Variants in DNAI2 observed in about 807,000 individuals in gnomAD.
DNAI2 encodes the protein dynein axonemal intermediate chain 2, also known as dynein, axonemal, intermediate polypeptide 2.
DNAI2 carries 63 observed loss-of-function variants against 74.7 expected under a neutral mutation model. The observed-to-expected ratio is 0.84, with a 90% CI of 0.69 to 1.04. The LOEUF (loss-of-function observed/expected upper bound fraction) is 1.04, where lower values mean the gene tolerates loss of function less well. DNAI2 is among the 50% of genes least tolerant of loss of function. The pLI is 0.00. For missense variants in DNAI2, 688 were observed against 803.2 expected (o/e 0.86, Z 1.73); for synonymous variants, 289 against 314.9 (o/e 0.92, Z 0.87).
At chr17:74,307,840 C>T (rs1194895383) in intron 9 of DNAI2, among the ~76,000 whole-genome samples, 1 of 152,016 alleles carries the variant, frequency 6.6e-6, no homozygotes. Flanking sequence ...CTTTGTTGCC[C>T]AGGCTGGAGT....
chr17:74,301,460 C>G (rs2052758981), intron 8 of DNAI2, among the ~76,000 whole-genome samples: 2 of 152,142 alleles, frequency 1.3e-5, no homozygotes, highest in Admixed American at 1.3e-4. Context: ...CCAGAAAAGC[C>G]CTGTTTTGTG....
At chr17:74,286,950 G>A (rs375483840) in intron 3 of DNAI2, 27 bp from the exon 4 acceptor site, 29 of 1,613,382 alleles carry the variant, frequency 1.8e-5, no homozygotes, top group South Asian at 5.5e-5. Context: ...CATTTACTGC[G>A]GAGAACTTCC....
chr17:74,305,750 C>T (rs1209679746), intron 9 of DNAI2, among the ~76,000 whole-genome samples: 1 of 147,744 alleles, frequency 6.8e-6, no homozygotes, highest in Non-Finnish European at 1.5e-5. Flanking sequence ...CGGCTCACTG[C>T]AGCCTCCACC....
At chr17:74,295,211 A>G (rs377590277) in intron 6 of DNAI2, among the ~76,000 whole-genome samples, 84 of 136,480 alleles carry the variant, frequency 6.2e-4, no homozygotes, top group Middle Eastern at 8.1e-3. Flanking sequence ...CATGGGCAAC[A>G]TGGTCAAACC....
chr17:74,277,349 C>T (rs2051141688), intron 1 of DNAI2, among the ~76,000 whole-genome samples: 1 of 146,526 alleles, frequency 6.8e-6, no homozygotes, highest in South Asian at 2.1e-4. Flanking sequence ...CTTGCCACTG[C>T]ACTCCAGCCT....
chr17:74,275,619 C>T lies in DNAI2; in HGVS notation c.-12+1274C>T, dbSNP rs143056843. On this transcript the variant is annotated intron_variant, in intron 1 of 13. Coordinates refer to ENST00000311014, the MANE Select transcript of DNAI2 (RefSeq NM_023036.6). ...GCTCACGCCTGTAGTCCCAGCTACT[C>T]GGCAGGTGGAGGCAGAAGAATTGCT... is the stretch of plus-strand genomic sequence containing the variant. 2.5e-3 allele frequency among the ~76,000 whole-genome samples: 386 copies of T among 151,984 alleles called. 2 individuals carry two copies. The highest frequency in any genetic ancestry group is 3.4e-3 in the Middle Eastern group (1 of 294).
intron 13 of DNAI2, 145 bp downstream of exon 13, chr17:74,314,416 C>A (rs1055946721): frequency 1.8e-6 from 2 of 1,139,872 alleles, no homozygotes; most frequent in African/African-American, 3.1e-5. Flanking sequence ...TCCTGAGCCA[C>A]CCCTTGGAGA....
chr17:74,299,984 T>C, intron 7 of DNAI2, 127 bp downstream of exon 7: 1 of 1,413,256 alleles, frequency 7.1e-7, no homozygotes, highest in Non-Finnish European at 9.6e-7. Context: ...GTTTCACTCT[T>C]GTTGCCCAGG....
chr17:74,292,501 C>T (rs2052177930), intron 6 of DNAI2, among the ~76,000 whole-genome samples: 2 of 149,670 alleles, frequency 1.3e-5, no homozygotes, highest in South Asian at 2.1e-4. Flanking sequence ...ATTGCAGCCT[C>T]GACCTCCTGG....
intron 6 of DNAI2, 61 bp downstream of exon 6, chr17:74,291,194 C>G: frequency 7.1e-7 from 1 of 1,410,480 alleles, no homozygotes. Context: ...GAATTTTGCT[C>G]TTGTTTCCCA....
chr17:74,297,876 T>C (rs369677831), intron 6 of DNAI2, among the ~76,000 whole-genome samples: 3 of 152,208 alleles, frequency 2.0e-5, no homozygotes, highest in African/African-American at 7.2e-5. Context: ...TATGTTCTTA[T>C]ACTTTTGCTG....
chr17:74,287,011 T>C lies in DNAI2; in HGVS notation c.380T>C (p.Ile127Thr), dbSNP rs372975955. 24 of 1,613,734 alleles carry C rather than the reference T, an allele frequency of 1.5e-5. No homozygotes were observed. Among genetic ancestry groups the C allele is most frequent in the Admixed American group, 3.3e-5 (2 of 59,980 alleles). Reference sequence around the variant, plus strand: ...CACTGCATCAAGCAGAACAATGCCATTGACATCTATGAAGAGTATTTCAAT... The same window carrying C: ...CACTGCATCAAGCAGAACAATGCCACTGACATCTATGAAGAGTATTTCAAT... Reference protein sequence around the residue: ...MEHCIKQNNAIDIYEEYFNDE... With the variant: ...MEHCIKQNNATDIYEEYFNDE... The change falls in exon 4 of 14, where the codon ATT (isoleucine) becomes ACT (threonine). Residue 127 changes from isoleucine to threonine, a missense_variant. Ile to Thr is a moderately conservative substitution (Grantham distance 89, BLOSUM62 -1). Transcript: ENST00000311014.
chr17:74,287,209 G>C, intron 4 of DNAI2, 111 bp downstream of exon 4: 3 of 1,504,426 alleles, frequency 2.0e-6, no homozygotes, highest in Non-Finnish European at 1.8e-6. Flanking sequence ...AGCACTGTCT[G>C]TGCTCTGAGC....
intron 2 of DNAI2, 54 bp downstream of exon 2, chr17:74,282,054 C>G: frequency 6.2e-7 from 1 of 1,602,464 alleles, no homozygotes; most frequent in Non-Finnish European, 8.5e-7. Flanking sequence ...GGCAGGGCGG[C>G]CAGCTGGGGC....
At chr17:74,284,847 T>C (rs1309007082) in intron 2 of DNAI2, among the ~76,000 whole-genome samples, 193 bp from the exon 3 acceptor site, 1 of 152,224 alleles carries the variant, frequency 6.6e-6, no homozygotes, top group African/African-American at 2.4e-5. Flanking sequence ...TCCACAGGGT[T>C]GCGCTGTTGC....
intron 4 of DNAI2, 138 bp from the exon 5 acceptor site, chr17:74,289,456 G>A (rs1008479912): frequency 9.3e-7 from 1 of 1,076,786 alleles, no homozygotes; most frequent in Non-Finnish European, 1.3e-6. Context: ...GAACCCAGGA[G>A]GCAGAGGTTG....
chr17:74,282,034 G>C (rs767000824), intron 2 of DNAI2, 34 bp downstream of exon 2: 6 of 1,612,972 alleles, frequency 3.7e-6, no homozygotes, highest in Admixed American at 1.7e-5. Context: ...TGGCCTGTCA[G>C]GTGTGGCCAG....
chr17:74,301,221 G>T, intron 8 of DNAI2, 53 bp downstream of exon 8: 2 of 1,608,762 alleles, frequency 1.2e-6, no homozygotes, highest in Non-Finnish European at 1.7e-6. Flanking sequence ...GGCAGCCAGG[G>T]CTAAAGACAG....
At chr17:74,293,162 G>A (rs1384365105) in intron 6 of DNAI2, among the ~76,000 whole-genome samples, 1 of 152,106 alleles carries the variant, frequency 6.6e-6, no homozygotes, top group Non-Finnish European at 1.5e-5. Context: ...TAGTTGTCTG[G>A]GAGGTCTTGT....
Sources: allele counts gnomAD v4.1 joint callset (sites outside exome capture counted in the v4.1 genomes callset), GRCh38; gene constraint gnomAD v4.1.1; transcripts MANE v1.5; gene names NCBI Gene and HGNC (gene_info 2026-07-23, HGNC 2026-07-21).